The following MARK3 variants were observed in gnomAD, a reference collection of about 807,000 sequenced individuals.
The protein encoded by MARK3 is MAP/microtubule affinity-regulating kinase 3.
In MARK3, 46 loss-of-function variants were observed where a neutral mutation model predicts 90.1. The ratio of observed to expected loss-of-function variants is 0.51; its 90% CI spans 0.40 to 0.65. The LOEUF is 0.65. Among genes scored for constraint, MARK3 ranks in the 30% least tolerant of loss-of-function variants. The pLI is 0.00. For synonymous variants in MARK3, 321 were observed against 332.6 expected (o/e 0.97, Z 0.38); for missense variants, 818 against 947.2 (o/e 0.86, Z 1.79).
chr14:103,430,978 A>G (rs2092564927), intron 3 of MARK3, among the ~76,000 whole-genome samples: 1 of 152,084 alleles, frequency 6.6e-6, no homozygotes, highest in African/African-American at 2.4e-5. Context: ...GGGACTACAA[A>G]TGCACACCAC....
chr14:103,494,635 C>CA (rs1297907572), intron 15 of MARK3, among the ~76,000 whole-genome samples: 1 of 149,894 alleles, frequency 6.7e-6, no homozygotes, highest in Non-Finnish European at 1.5e-5. Context: ...ATAAAAATAT[C>CA]AGCTACCTCT....
chr14:103,488,300 G>A (rs1358138377), intron 14 of MARK3, among the ~76,000 whole-genome samples: 1 of 152,002 alleles, frequency 6.6e-6, no homozygotes, highest in East Asian at 1.9e-4. Flanking sequence ...ATTGGGCTCG[G>A]CACCATCAGA....
At chr14:103,476,380 T>A (rs2093715726) in intron 13 of MARK3, among the ~76,000 whole-genome samples, 1 of 152,168 alleles carries the variant, frequency 6.6e-6, no homozygotes, top group Admixed American at 6.5e-5. Context: ...AGGACCATGC[T>A]CAGTGCTTTT....
rs139325480 is a variant in MARK3 at position 103,446,043 on chromosome 14, G to A, written c.298-2876G>A. 3.3e-5 allele frequency among the ~76,000 whole-genome samples: 5 copies of A among 152,322 alleles called. No individual in the cohort carries two copies. In the East Asian group the frequency reaches 9.6e-4, roughly 29 times the overall value. On this transcript the variant is annotated intron_variant, in intron 3 of 17. Transcript: ENST00000429436. Reference sequence around the variant, plus strand: ...TACAGTAGTGAAAGGAGACAGGCATGCTCCCTGTGGGTGACACAAGGATAA... The same window carrying A: ...TACAGTAGTGAAAGGAGACAGGCATACTCCCTGTGGGTGACACAAGGATAA...
chr14:103,490,697 CAG>C (rs35912778), intron 14 of MARK3: 47,379 of 167,774 alleles, frequency 0.28, 7,986 homozygotes, highest in Non-Finnish European at 0.36. Context: ...CTCATAGAAA[CAG>C]ATATTCAAAC....
rs2091201772 is a variant in MARK3, at chr14:103,405,121, A to G, written c.97A>G (p.Ser33Gly). Residue 33 changes from serine (S) to glycine (G), a missense_variant, in exon 2 of 18, where the codon AGC (serine) becomes GGC (glycine). Coordinates refer to ENST00000429436, the MANE Select transcript of MARK3 (RefSeq NM_001128918.3). ...GCGTCAAGAAGTTACCTCTCGTACC[A>G]GCCGCTCAGGAGCTCGGTGTAGAAA... ...DGRQEVTSRT[S>G]RSGARCRNSI... 8.1e-6 allele frequency: 13 copies of G among 1,614,034 alleles called. No homozygotes were observed. In the East Asian group the frequency reaches 2.2e-4, roughly 28 times the overall value.
chr14:103,462,558 G>A (rs1161986155), intron 7 of MARK3, 97 bp downstream of exon 7: 3 of 780,324 alleles, frequency 3.8e-6, no homozygotes, highest in Non-Finnish European at 3.9e-6. Context: ...AGCCTTATTA[G>A]CATTTTTTAA....
chr14:103,462,398 T>C lies in MARK3; in HGVS notation c.484-7T>C. ...GTGATGACTGACTCTGCGTCTCTCC[T>C]ATTCAGATTGTGTCTGCAGTTCAAT... On this transcript the variant is annotated splice_region_variant and splice_polypyrimidine_tract_variant and intron_variant, in intron 6 of 17. Coordinates refer to ENST00000429436, the MANE Select transcript of MARK3 (RefSeq NM_001128918.3). 1 of 1,598,740 alleles carries C rather than the reference T, an allele frequency of 6.3e-7. No homozygotes were observed. The highest frequency in any genetic ancestry group is 8.6e-7 in the Non-Finnish European group (1 of 1,167,118).
At chr14:103,451,083 G>C (rs1459260247) in intron 4 of MARK3, among the ~76,000 whole-genome samples, 3 of 151,080 alleles carry the variant, frequency 2.0e-5, no homozygotes, top group African/African-American at 7.3e-5. Context: ...GGTGCATGCC[G>C]CCATACCCAG....
At chr14:103,425,249 A>ATTTATTTATTTAT (rs376880922) in intron 2 of MARK3, among the ~76,000 whole-genome samples, 2 of 146,750 alleles carry the variant, frequency 1.4e-5, no homozygotes, top group African/African-American at 5.0e-5. Context: ...CTATTTATTT[A>ATTTATTTATTTAT]TTATTTATTT....
intron 3 of MARK3, among the ~76,000 whole-genome samples, chr14:103,446,645 G>T (rs1479944524): frequency 6.6e-6 from 1 of 151,272 alleles, no homozygotes; most frequent in African/African-American, 2.4e-5. Flanking sequence ...CATGGTCAGG[G>T]TTTCATTCTC....
At chr14:103,433,682 C>CA (rs2092647439) in intron 3 of MARK3, among the ~76,000 whole-genome samples, 1 of 151,916 alleles carries the variant, frequency 6.6e-6, no homozygotes, top group Non-Finnish European at 1.5e-5. Context: ...GACTCTGCCT[C>CA]AAAAAATAAA....
At chr14:103,453,893 G>A (rs940746862) in intron 5 of MARK3, among the ~76,000 whole-genome samples, 3 of 152,216 alleles carry the variant, frequency 2.0e-5, no homozygotes, top group African/African-American at 7.2e-5. Flanking sequence ...TGGGCGCTCT[G>A]GGCCTGGACC....
intron 2 of MARK3, among the ~76,000 whole-genome samples, chr14:103,406,149 A>G (rs1042415589): frequency 7.2e-6 from 1 of 138,318 alleles, no homozygotes; most frequent in African/African-American, 2.8e-5. Context: ...TCCTGCCTCA[A>G]CCTCCCAGAG....
chr14:103,454,334 C>T (rs1217285656), intron 5 of MARK3, among the ~76,000 whole-genome samples: 1 of 151,904 alleles, frequency 6.6e-6, no homozygotes, highest in Non-Finnish European at 1.5e-5. Flanking sequence ...CTCACTGCAA[C>T]CTCTGCTTCC....
chr14:103,446,756 C>G (rs2093008117), intron 3 of MARK3, among the ~76,000 whole-genome samples: 1 of 118,412 alleles, frequency 8.4e-6, no homozygotes, highest in Non-Finnish European at 1.6e-5. Context: ...CTTGCTCTGT[C>G]ACCCAGGCTG....
intron 15 of MARK3, among the ~76,000 whole-genome samples, chr14:103,496,369 C>T (rs960002449): frequency 2.0e-5 from 3 of 151,856 alleles, no homozygotes; most frequent in Admixed American, 6.6e-5. Context: ...TCACTTGAGC[C>T]CAGGAGTTCA....
At chr14:103,479,463 G>T (rs1232127652) in intron 13 of MARK3, among the ~76,000 whole-genome samples, 2 of 152,066 alleles carry the variant, frequency 1.3e-5, no homozygotes, top group Non-Finnish European at 2.9e-5. Flanking sequence ...CAGCAATAGT[G>T]AGAGTCCCTG....
At chr14:103,442,045 G>A (rs1386467814) in intron 3 of MARK3, among the ~76,000 whole-genome samples, 2 of 152,078 alleles carry the variant, frequency 1.3e-5, no homozygotes, top group East Asian at 3.8e-4. Context: ...TACACAGTAA[G>A]TAGGGGGAAA....
Sources: allele counts gnomAD v4.1 joint callset (sites outside exome capture counted in the v4.1 genomes callset), GRCh38; gene constraint gnomAD v4.1.1; transcripts MANE v1.5; gene names NCBI Gene and HGNC (gene_info 2026-07-23, HGNC 2026-07-21).